Variants in FCHSD2 observed in about 807,000 individuals in gnomAD.
FCHSD2 encodes FCH and double SH3 domains 2.
FCHSD2 carries 38 observed loss-of-function variants against 108.1 expected under a neutral mutation model. That is an observed-to-expected ratio of 0.35 (90% CI 0.27 to 0.46). The LOEUF is 0.46. Ranked by LOEUF, FCHSD2 falls within the 20% of genes least tolerant of loss-of-function variation. The pLI, the probability that FCHSD2 is intolerant of heterozygous loss-of-function variation, is 1.00. For missense variants in FCHSD2, 751 were observed against 897.8 expected (o/e 0.84, Z 2.09); for synonymous variants, 279 against 314.7 (o/e 0.89, Z 1.20).
intron 14 of FCHSD2, among the ~76,000 whole-genome samples, chr11:72,846,846 TTTTAA>T (rs1861159803): frequency 6.6e-6 from 1 of 152,222 alleles, no homozygotes; most frequent in East Asian, 1.9e-4. Context: ...GTATCCTACC[TTTTAA>T]TTTAATATTA....
chr11:72,975,797 T>G (rs1857093644), intron 8 of FCHSD2, among the ~76,000 whole-genome samples: 1 of 152,224 alleles, frequency 6.6e-6, no homozygotes, highest in African/African-American at 2.4e-5. Context: ...TATCAACTAG[T>G]CAATGTATGT....
intron 2 of FCHSD2, among the ~76,000 whole-genome samples, chr11:73,108,629 C>T (rs910311505): frequency 5.9e-5 from 9 of 152,264 alleles, no homozygotes; most frequent in Non-Finnish European, 1.2e-4. Flanking sequence ...ACTGCAGTGG[C>T]GCAATCTCGG....
At chr11:72,895,170 T>G (rs1220524406) in intron 10 of FCHSD2, among the ~76,000 whole-genome samples, 1 of 152,154 alleles carries the variant, frequency 6.6e-6, no homozygotes, top group Non-Finnish European at 1.5e-5. Flanking sequence ...GTGCCTGGCC[T>G]CTCAGGAGAG....
chr11:72,858,076 G>A (rs748999134), intron 13 of FCHSD2, among the ~76,000 whole-genome samples: 12 of 152,216 alleles, frequency 7.9e-5, no homozygotes, highest in Non-Finnish European at 1.8e-4. Flanking sequence ...TGGTGCATAG[G>A]AGGTACTTAA....
chr11:72,859,333 T>C (rs1459096127), intron 13 of FCHSD2, among the ~76,000 whole-genome samples: 2 of 152,226 alleles, frequency 1.3e-5, no homozygotes, highest in Non-Finnish European at 2.9e-5. Context: ...TGTAAGCTAC[T>C]TGTCCATTAG....
chr11:72,909,171 G>A (rs963940323), intron 9 of FCHSD2, among the ~76,000 whole-genome samples: 2 of 151,940 alleles, frequency 1.3e-5, no homozygotes, highest in Non-Finnish European at 2.9e-5. Flanking sequence ...TGAGTGTCTG[G>A]GATTGCAGGC....
At chr11:73,106,621 T>C (rs1252314421) in intron 2 of FCHSD2, among the ~76,000 whole-genome samples, 1 of 151,624 alleles carries the variant, frequency 6.6e-6, no homozygotes, top group African/African-American at 2.4e-5. Flanking sequence ...GATAAATAAA[T>C]ACAGTAACAT....
At chr11:73,127,515 A>T (rs999926493) in intron 2 of FCHSD2, among the ~76,000 whole-genome samples, 10 of 152,082 alleles carry the variant, frequency 6.6e-5, no homozygotes, top group Non-Finnish European at 1.3e-4. Flanking sequence ...TACAAAACTA[A>T]CCCCTGCTTA....
chr11:72,991,635 T>C (rs768270847), intron 5 of FCHSD2, among the ~76,000 whole-genome samples: 6 of 152,132 alleles, frequency 3.9e-5, no homozygotes, highest in Non-Finnish European at 8.8e-5. Flanking sequence ...TAATCCAGCA[T>C]ATAAACAGAA....
intron 8 of FCHSD2, among the ~76,000 whole-genome samples, chr11:72,959,070 A>G (rs911780147): frequency 1.3e-5 from 2 of 151,674 alleles, no homozygotes; most frequent in African/African-American, 4.8e-5. Context: ...ACATATCAGA[A>G]TCTTGGGAGG....
chr11:73,079,092 G>A (rs1458917683), intron 3 of FCHSD2, among the ~76,000 whole-genome samples: 2 of 151,970 alleles, frequency 1.3e-5, no homozygotes, highest in African/African-American at 4.8e-5. Context: ...ATCAAACAGT[G>A]TACTAAGGAC....
chr11:72,964,789 C>CTTTTTTT (rs35280672), intron 8 of FCHSD2, among the ~76,000 whole-genome samples: 2 of 132,222 alleles, frequency 1.5e-5, no homozygotes, highest in African/African-American at 5.7e-5. Context: ...GATCATTTCA[C>CTTTTTTT]TTTTTTTTTT....
intron 3 of FCHSD2, among the ~76,000 whole-genome samples, chr11:73,026,388 A>T (rs572656288): frequency 6.6e-6 from 1 of 152,238 alleles, no homozygotes; most frequent in Non-Finnish European, 1.5e-5. Flanking sequence ...GAGCAAAATG[A>T]CTGACTGAGA....
At chr11:73,117,971 T>C (rs928201422) in intron 2 of FCHSD2, among the ~76,000 whole-genome samples, 10 of 152,208 alleles carry the variant, frequency 6.6e-5, no homozygotes, top group East Asian at 1.9e-4. Context: ...TATATATACA[T>C]TTTCTGAGTT....
intron 2 of FCHSD2, among the ~76,000 whole-genome samples, chr11:73,099,628 A>G (rs756195976): frequency 6.6e-6 from 1 of 152,240 alleles, no homozygotes; most frequent in Admixed American, 6.5e-5. Context: ...CAAATGCAGT[A>G]AAACACTGAT....
At chr11:72,958,168 CTTGCTTTAAAT>C (rs1332272268) in intron 8 of FCHSD2, among the ~76,000 whole-genome samples, 1 of 152,142 alleles carries the variant, frequency 6.6e-6, no homozygotes, top group Non-Finnish European at 1.5e-5. Flanking sequence ...GGAAAGATGG[CTTGCTTTAAAT>C]CAAGTCAGAG....
At chr11:73,126,904 G>A (rs550277848) in intron 2 of FCHSD2, among the ~76,000 whole-genome samples, 2 of 152,222 alleles carry the variant, frequency 1.3e-5, no homozygotes, top group African/African-American at 4.8e-5. Context: ...CGAGCATCGT[G>A]TTGCACACCT....
At chr11:73,120,215 C>T (rs1860698888) in intron 2 of FCHSD2, among the ~76,000 whole-genome samples, 1 of 152,080 alleles carries the variant, frequency 6.6e-6, no homozygotes, top group Admixed American at 6.6e-5. Context: ...GGGACACAGA[C>T]CCAGGCCACA....
intron 2 of FCHSD2, among the ~76,000 whole-genome samples, chr11:73,108,223 A>G (rs1860392789): frequency 6.6e-6 from 1 of 152,236 alleles, no homozygotes; most frequent in African/African-American, 2.4e-5. Context: ...ATGTCCACTC[A>G]GATCTTTTGC....
Sources: gnomAD v4.1 joint callset for allele counts (sites outside exome capture counted in the v4.1 genomes callset) on GRCh38, gnomAD v4.1.1 for gene constraint, MANE v1.5 for transcripts, NCBI Gene and HGNC (gene_info 2026-07-23, HGNC 2026-07-21) for gene names.